The following WDR45 variants were observed in gnomAD, a reference collection of about 807,000 sequenced individuals.
The protein encoded by WDR45 is WD repeat domain 45.
WDR45 carries 2 observed loss-of-function variants against 27.3 expected under a neutral mutation model. That is an observed-to-expected ratio of 0.07 (90% CI 0.03 to 0.23). The LOEUF is 0.23. Among genes scored for constraint, WDR45 ranks in the 10% least tolerant of loss-of-function variants. The pLI is 1.00. For missense variants in WDR45, 175 were observed against 311.9 expected (o/e 0.56, Z 3.31); for synonymous variants, 99 against 119.2 (o/e 0.83, Z 1.11).
In WDR45 at chrX:49,077,663, G is replaced by A. The variant is rs11545581; in HGVS notation, c.215C>T (p.Pro72Leu). The change falls in exon 4 of 11, where the codon CCC (proline) becomes CTC (leucine). Residue 72 changes from proline (P) to leucine (L), a missense_variant. Physicochemically the swap from Pro to Leu is moderately conservative, Grantham distance 98. This residue lies in a region of WDR45 where 102 missense variants were observed against 165.4 expected (regional missense o/e 0.62). Coordinates refer to ENST00000376372, the MANE Select transcript of WDR45 (RefSeq NM_001029896.2). ...CTTACCTGAGATCTCTGAGAACTTGGGACTACTACCACCGCCCACCAAGGC... is the reference window on the plus strand; with the variant it reads ...CTTACCTGAGATCTCTGAGAACTTGAGACTACTACCACCGCCCACCAAGGC... ...LLALVGGGSS[P>L]KFSEISVLIW... 2 of 1,199,936 alleles carry A rather than the reference G, an allele frequency of 1.7e-6. No individual in the cohort carries two copies. Among genetic ancestry groups the A allele is most frequent in the Non-Finnish European group, 2.2e-6 (2 of 889,636 alleles).
chrX:49,090,072 G>GTT (rs59319787), intron 2 of WDR45, among the ~76,000 whole-genome samples: 3 of 104,354 alleles, frequency 2.9e-5, no homozygotes, highest in East Asian at 3.0e-4. Flanking sequence ...AGGAATAAAG[G>GTT]TTTTTTTTTT....
intron 2 of WDR45, among the ~76,000 whole-genome samples, chrX:49,096,439 C>CA (rs1340586856): frequency 1.8e-5 from 2 of 112,070 alleles, no homozygotes; most frequent in Non-Finnish European, 3.8e-5. Context: ...CTATGTTGCC[C>CA]AGGCTGGTCT....
chrX:49,078,082 G>A lies in WDR45; in HGVS notation c.14C>T (p.Pro5Leu). The A allele has an allele frequency of 8.3e-7, 1 of 1,211,892 alleles. No individual in the cohort carries two copies. The highest frequency in any genetic ancestry group is 2.3e-4 in the Middle Eastern group (1 of 4,351). MTQQ[P>L]LRGVTSLRFN... ...ACGCAGGCTGGTCACTCCTCGAAGT[G>A]GCTGTTGAGTCATGGTGCAGGATTG... The change falls in exon 2 of 11, where the codon CCA becomes CTA. Residue 5 changes from proline (P) to leucine (L), a missense_variant. Coordinates refer to ENST00000376372, the MANE Select transcript of WDR45 (RefSeq NM_001029896.2).
intron 2 of WDR45, among the ~76,000 whole-genome samples, chrX:49,095,693 C>G (rs1434144729): frequency 1.9e-5 from 2 of 104,787 alleles, no homozygotes; most frequent in Admixed American, 1.1e-4. Context: ...ATCTCCTGAC[C>G]TCATGATCCG....
intron 2 of WDR45, among the ~76,000 whole-genome samples, chrX:49,092,002 T>C (rs1252665128): frequency 9.6e-6 from 1 of 104,097 alleles, no homozygotes; most frequent in Non-Finnish European, 2.0e-5. Flanking sequence ...TTGCCTGTAG[T>C]CCCAGCTACT....
upstream of WDR45, among the ~76,000 whole-genome samples, chrX:49,083,597 A>G (rs1256097419): frequency 9.1e-6 from 1 of 110,111 alleles, no homozygotes; most frequent in Non-Finnish European, 1.9e-5. Flanking sequence ...GATTTGTTCT[A>G]TTTCCTTTGC....
At position 49,088,728 on chromosome X, in the gene WDR45, T is replaced by C. The variant is rs1403319610; in HGVS notation, c.-17-10616A>G. Among the ~76,000 whole-genome samples, 4 of 111,805 alleles carry C rather than the reference T, an allele frequency of 3.6e-5. No individual in the cohort carries two copies. In the Admixed American group the frequency reaches 3.9e-4, roughly 11 times the overall value. On this transcript the variant is annotated intron_variant, in intron 2 of 11. Coordinates refer to the WDR45 transcript ENST00000356463. ...GAAAAGTTGCTAAACAGGCTCATAG[T>C]AGCTCATGCCTTTGGGAGGCTGACA... is the stretch of plus-strand genomic sequence containing the variant.
At chrX:49,084,053 CTT>C (rs1173932347), upstream of WDR45, among the ~76,000 whole-genome samples, 86 of 74,873 alleles carry the variant, frequency 1.1e-3, 1 homozygote, top group East Asian at 0.012. Flanking sequence ...TTTCTTTTTT[CTT>C]TTTTTTTTTT....
chrX:49,094,427 C>T (rs955305669), intron 2 of WDR45, among the ~76,000 whole-genome samples: 4 of 110,747 alleles, frequency 3.6e-5, no homozygotes, highest in Non-Finnish European at 5.7e-5. Flanking sequence ...TGAGATCGCC[C>T]CACTGCACTC....
At chrX:49,081,749 C>T (rs1232357122), upstream of WDR45, among the ~76,000 whole-genome samples, 6 of 107,591 alleles carry the variant, frequency 5.6e-5, no homozygotes, top group East Asian at 5.8e-4. Flanking sequence ...TTTGGGAGGC[C>T]GAGGCAGGTG....
intron 6 of WDR45, 141 bp from the exon 7 acceptor site, chrX:49,076,086 G>T: frequency 1.9e-6 from 1 of 519,226 alleles, no homozygotes; most frequent in Non-Finnish European, 3.3e-6. Flanking sequence ...CAGCTCAGCT[G>T]CACGCCCCGC....
intron 2 of WDR45, among the ~76,000 whole-genome samples, chrX:49,094,267 G>A (rs994232143): frequency 4.5e-5 from 5 of 110,674 alleles, no homozygotes; most frequent in Admixed American, 9.7e-5. Flanking sequence ...CCAGGAGTTC[G>A]AGACCAGCCT....
At chrX:49,083,621 C>A (rs1214572168), upstream of WDR45, among the ~76,000 whole-genome samples, 1 of 110,469 alleles carries the variant, frequency 9.1e-6, no homozygotes, top group South Asian at 3.8e-4. Flanking sequence ...GATGCTCCCC[C>A]ACTGTCTCCT....
At chrX:49,088,551 A>G (rs1475132933) in intron 2 of WDR45, among the ~76,000 whole-genome samples, 1 of 112,430 alleles carries the variant, frequency 8.9e-6, no homozygotes, top group Non-Finnish European at 1.9e-5. Context: ...TCCAACATAC[A>G]TGGACACACA....
intron 2 of WDR45, among the ~76,000 whole-genome samples, chrX:49,088,998 A>G (rs965741527): frequency 2.7e-5 from 3 of 112,744 alleles, no homozygotes; most frequent in Non-Finnish European, 5.6e-5. Flanking sequence ...CAAAGAAACT[A>G]GAAAGTAGGC....
chrX:49,091,126 A>G (rs1465364068), intron 2 of WDR45, among the ~76,000 whole-genome samples: 1 of 109,758 alleles, frequency 9.1e-6, no homozygotes, highest in East Asian at 2.9e-4. Context: ...CCCGGCTTCC[A>G]ATAACTTTTA....
chrX:49,091,521 G>A (rs1476155591), intron 2 of WDR45, among the ~76,000 whole-genome samples: 3 of 103,398 alleles, frequency 2.9e-5, no homozygotes, highest in Admixed American at 1.1e-4. Flanking sequence ...AGGCCGAGGC[G>A]GGTGGATCAT....
intron 2 of WDR45, among the ~76,000 whole-genome samples, chrX:49,091,441 A>G (rs1354086436): frequency 1.9e-5 from 2 of 108,039 alleles, no homozygotes; most frequent in African/African-American, 6.8e-5. Context: ...ACTCCGTCTC[A>G]AAAATAAAGA....
intron 6 of WDR45, 124 bp downstream of exon 6, chrX:49,076,306 C>T: frequency 1.3e-6 from 1 of 748,971 alleles, no homozygotes; most frequent in Non-Finnish European, 2.0e-6. Context: ...TGAGTGTGAG[C>T]ATCTCCCTGC....
Sources: gnomAD v4.1 joint callset for allele counts (sites outside exome capture counted in the v4.1 genomes callset) on GRCh38, gnomAD v4.1.1 for gene constraint, gnomAD v4.1.1 regional missense constraint, MANE v1.5 for transcripts, NCBI Gene and HGNC (gene_info 2026-07-23, HGNC 2026-07-21) for gene names.